Variants in CRISPLD2 observed in about 807,000 individuals in gnomAD.
CRISPLD2 encodes cysteine-rich secretory protein LCCL domain-containing 2.
Under a neutral mutation model 71.1 loss-of-function variants are expected in CRISPLD2, and 47 were observed. The ratio of observed to expected loss-of-function variants is 0.66; its 90% confidence interval spans 0.52 to 0.84. The LOEUF is 0.84. CRISPLD2 is among the 40% of genes least tolerant of loss of function. The pLI, the probability that CRISPLD2 is intolerant of heterozygous loss-of-function variation, is 0.00. For synonymous variants in CRISPLD2, 317 were observed against 250.1 expected, an observed-to-expected ratio of 1.27 and a Z score of -2.52; for missense variants, 830 against 651.1, an observed-to-expected ratio of 1.27 and a Z score of -2.99.
At chr16:84,835,841 T>C (rs1916605118) in intron 1 of CRISPLD2, among the ~76,000 whole-genome samples, 1 of 152,218 alleles carries the variant, frequency 6.6e-6, no homozygotes, top group Non-Finnish European at 1.5e-5. Context: ...TAGCTCACGC[T>C]GGCTCAGGAG....
chr16:84,874,251 T>C (rs2143294302), intron 11 of CRISPLD2, among the ~76,000 whole-genome samples: 1 of 152,322 alleles, frequency 6.6e-6, no homozygotes, highest in African/African-American at 2.4e-5. Context: ...GAGGTTTCAC[T>C]GGGAGTGCCA....
Position 84,885,812 on chromosome 16 carries a change from C to CTTTTT in CRISPLD2, c.1306-3400_1306-3396dup, listed in dbSNP as rs781115960. The stretch of plus-strand genomic sequence containing the variant: ...TTAATGTGGGAATGTTGGATCCCTT[C>CTTTTT]TTTTTTTTTTTTTTTTTTTTTTGAG... On this transcript the variant is annotated intron_variant, in intron 13 of 14. Coordinates refer to ENST00000262424, the MANE Select transcript of CRISPLD2 (RefSeq NM_031476.4). Among the ~76,000 whole-genome samples the CTTTTT allele has an allele frequency of 2.9e-3, 276 of 95,734 alleles. 8 individuals are homozygous for CTTTTT. The highest frequency in any genetic ancestry group is 3.4e-3 in the Non-Finnish European group (166 of 48,600). 62.8% of individuals were successfully genotyped at this position (95,734 alleles called of 152,430 possible). A position where few individuals can be genotyped will look rare whatever the true frequency, so the allele number is the denominator to read the frequency against.
intron 13 of CRISPLD2, among the ~76,000 whole-genome samples, chr16:84,881,314 T>A (rs566043509): frequency 2.6e-5 from 4 of 152,250 alleles, no homozygotes; most frequent in Non-Finnish European, 4.4e-5. Flanking sequence ...CCTAATTTAC[T>A]GCTTGTTGAT....
intron 2 of CRISPLD2, among the ~76,000 whole-genome samples, chr16:84,842,885 G>A (rs1469089536): frequency 1.3e-5 from 2 of 152,160 alleles, no homozygotes; most frequent in Non-Finnish European, 2.9e-5. Context: ...ATCTGGGACT[G>A]GAGCTTGACT....
intron 14 of CRISPLD2, among the ~76,000 whole-genome samples, chr16:84,905,077 T>C (rs1199233681): frequency 6.6e-6 from 1 of 152,220 alleles, no homozygotes; most frequent in African/African-American, 2.4e-5. Flanking sequence ...GCCCAGGAGT[T>C]TGAGACCAGC....
At chr16:84,837,519 C>A (rs1039197866) in intron 1 of CRISPLD2, among the ~76,000 whole-genome samples, 26 of 152,122 alleles carry the variant, frequency 1.7e-4, no homozygotes, top group Non-Finnish European at 3.2e-4. Flanking sequence ...CGGGTTCACG[C>A]CATTCTCCCG....
intron 1 of CRISPLD2, among the ~76,000 whole-genome samples, chr16:84,830,630 G>T (rs1196739239): frequency 6.6e-6 from 1 of 152,078 alleles, no homozygotes; most frequent in Admixed American, 6.6e-5. Context: ...TTGAACCCAG[G>T]CGGTGGAGGT....
intron 14 of CRISPLD2, among the ~76,000 whole-genome samples, chr16:84,898,060 C>T (rs971957460): frequency 6.6e-6 from 1 of 152,212 alleles, no homozygotes. Context: ...GACCATCATC[C>T]GTTTATCATC....
intron 5 of CRISPLD2, among the ~76,000 whole-genome samples, chr16:84,851,635 C>G (rs779652619): frequency 6.6e-6 from 1 of 152,148 alleles, no homozygotes; most frequent in East Asian, 1.9e-4. Context: ...GGCTCAGCAG[C>G]CCACATGGAT....
intron 13 of CRISPLD2, among the ~76,000 whole-genome samples, chr16:84,886,107 C>G (rs984722043): frequency 6.6e-6 from 1 of 152,138 alleles, no homozygotes; most frequent in African/African-American, 2.4e-5. Flanking sequence ...TCAGGCTGAT[C>G]TCAAACTCCT....
chr16:84,839,134 G>C (rs1916705952), intron 2 of CRISPLD2: 1 of 362,916 alleles, frequency 2.8e-6, no homozygotes, highest in Admixed American at 3.7e-5. Flanking sequence ...CAATCCTCCT[G>C]CCTCAGCCTC....
intron 1 of CRISPLD2, among the ~76,000 whole-genome samples, chr16:84,837,584 T>C (rs1248370192): frequency 6.6e-6 from 1 of 151,424 alleles, no homozygotes; most frequent in Non-Finnish European, 1.5e-5. Flanking sequence ...GCCCGGGTAA[T>C]TTTTTGTATT....
chr16:84,836,032 A>G (rs1036901024), intron 1 of CRISPLD2: 12 of 152,206 alleles, frequency 7.9e-5, no homozygotes, highest in African/African-American at 2.2e-4. Flanking sequence ...GGAAAATTCC[A>G]CACCTGACCT....
chr16:84,820,150 T>C lies in CRISPLD2; in HGVS notation c.-75+17T>C, dbSNP rs1266461505. The C allele has an allele frequency of 2.0e-5, 3 of 152,156 alleles. No homozygotes were observed. Among genetic ancestry groups the C allele is most frequent in the Admixed American group, 6.5e-5 (1 of 15,284 alleles). The allele number at this position is 152,156 out of a possible 1,614,324, so 9.4% of individuals were successfully genotyped here. ...CCTGCGGAGGTAAGTGTGATTTCCA[T>C]GCTTCTCCCTTTTGCAAACTGTTAC... On this transcript the variant is annotated intron_variant, in intron 1 of 14. Coordinates refer to ENST00000262424, the MANE Select transcript of CRISPLD2 (RefSeq NM_031476.4).
intron 12 of CRISPLD2, 31 bp downstream of exon 12, chr16:84,877,541 A>G (rs375547552): frequency 6.8e-6 from 11 of 1,608,790 alleles, no homozygotes; most frequent in Non-Finnish European, 7.7e-6. Flanking sequence ...CATCTTTTCT[A>G]TGGAAGATGT....
intron 13 of CRISPLD2, among the ~76,000 whole-genome samples, chr16:84,884,112 T>A (rs1310682911): frequency 6.6e-6 from 1 of 152,232 alleles, no homozygotes; most frequent in African/African-American, 2.4e-5. Flanking sequence ...CCCAAAGTGC[T>A]GGGATTACAG....
At chr16:84,851,635 C>T (rs779652619) in intron 5 of CRISPLD2, among the ~76,000 whole-genome samples, 35 of 152,148 alleles carry the variant, frequency 2.3e-4, no homozygotes, top group Non-Finnish European at 4.4e-4. Context: ...GGCTCAGCAG[C>T]CCACATGGAT....
intron 12 of CRISPLD2, among the ~76,000 whole-genome samples, chr16:84,878,189 A>C (rs1597474639): frequency 6.6e-6 from 1 of 151,892 alleles, no homozygotes; most frequent in Non-Finnish European, 1.5e-5. Flanking sequence ...GCACCACTGC[A>C]CTCCAGCCTG....
intron 3 of CRISPLD2, among the ~76,000 whole-genome samples, chr16:84,847,505 G>A (rs1301198981): frequency 6.6e-6 from 1 of 152,122 alleles, no homozygotes; most frequent in Non-Finnish European, 1.5e-5. Context: ...CAAAAAATTA[G>A]CCAGGCGTGG....
Sources: allele counts gnomAD v4.1 joint callset (sites outside exome capture counted in the v4.1 genomes callset), GRCh38; gene constraint gnomAD v4.1.1; transcripts MANE v1.5; gene names NCBI Gene and HGNC (gene_info 2026-07-23, HGNC 2026-07-21).